EZH2: variants seen among roughly 807,000 people sequenced by gnomAD.
EZH2 encodes enhancer of zeste 2 polycomb repressive complex 2 subunit, also known as histone-lysine N-methyltransferase EZH2.
A neutral mutation model predicts 98.4 loss-of-function variants in EZH2; 18 were observed. That is an observed-to-expected ratio of 0.18 (90% confidence interval 0.13 to 0.27). The LOEUF (loss-of-function observed/expected upper bound fraction) is 0.27, where lower values mean the gene tolerates loss of function less well. Among genes scored for constraint, EZH2 ranks in the 10% least tolerant of loss-of-function variants. The pLI, the probability that EZH2 is intolerant of heterozygous loss-of-function variation, is 1.00. For missense variants in EZH2, 470 were observed against 935.1 expected, an observed-to-expected ratio of 0.50 and a Z score of 6.49; for synonymous variants, 338 against 312.3, an observed-to-expected ratio of 1.08 and a Z score of -0.87.
intron 1 of EZH2, among the ~76,000 whole-genome samples, chr7:148,879,518 C>G (rs1820657901): frequency 6.6e-6 from 1 of 151,900 alleles, no homozygotes; most frequent in Non-Finnish European, 1.5e-5. Context: ...TGGTGAAATC[C>G]CATCACTACT....
intron 3 of EZH2, among the ~76,000 whole-genome samples, chr7:148,836,302 A>G (rs571409723): frequency 2.6e-5 from 4 of 152,338 alleles, no homozygotes; most frequent in African/African-American, 9.6e-5. Context: ...CTGTATTTCT[A>G]GTATCTAGAA....
chr7:148,869,764 C>G (rs1017097610), intron 1 of EZH2, among the ~76,000 whole-genome samples: 1 of 152,204 alleles, frequency 6.6e-6, no homozygotes, highest in Non-Finnish European at 1.5e-5. Context: ...TCAGTAAACA[C>G]AAGTTGTTCC....
chr7:148,830,610 T>C (rs906030925), intron 4 of EZH2, among the ~76,000 whole-genome samples: 3 of 152,196 alleles, frequency 2.0e-5, no homozygotes, highest in Non-Finnish European at 4.4e-5. Context: ...AATAAGAACA[T>C]TCTACAAAAA....
chr7:148,883,295 G>C (rs543691250), intron 1 of EZH2: 1 of 152,322 alleles, frequency 6.6e-6, no homozygotes, highest in Non-Finnish European at 1.5e-5. Flanking sequence ...AACGGAAGGG[G>C]ATGTACACAA....
chr7:148,867,660 G>C (rs548404524), intron 1 of EZH2, among the ~76,000 whole-genome samples: 1 of 152,300 alleles, frequency 6.6e-6, no homozygotes, highest in South Asian at 2.1e-4. Flanking sequence ...CAGCCAGCTT[G>C]AATTTCTCCC....
intron 1 of EZH2, among the ~76,000 whole-genome samples, chr7:148,852,820 A>C (rs911627757): frequency 1.3e-5 from 2 of 152,168 alleles, no homozygotes; most frequent in Non-Finnish European, 2.9e-5. Context: ...CTTAATACAG[A>C]GGGTATCTCA....
At chr7:148,863,201 A>G (rs1040171032) in intron 1 of EZH2, among the ~76,000 whole-genome samples, 2 of 152,180 alleles carry the variant, frequency 1.3e-5, no homozygotes, top group African/African-American at 2.4e-5. Flanking sequence ...ATCCGAAGTC[A>G]TAATACCCTG....
intron 3 of EZH2, among the ~76,000 whole-genome samples, chr7:148,835,699 G>C (rs1810723714): frequency 6.6e-6 from 1 of 152,004 alleles, no homozygotes; most frequent in Admixed American, 6.6e-5. Context: ...AATTAATTCT[G>C]TGGCTTCTGA....
intron 3 of EZH2, among the ~76,000 whole-genome samples, chr7:148,841,611 T>C (rs541075759): frequency 6.6e-6 from 1 of 152,308 alleles, no homozygotes; most frequent in African/African-American, 2.4e-5. Context: ...GGGCCTATAA[T>C]CCTGCAATGT....
At chr7:148,878,003 G>C (rs750571308) in intron 1 of EZH2, among the ~76,000 whole-genome samples, 3 of 152,074 alleles carry the variant, frequency 2.0e-5, no homozygotes, top group Non-Finnish European at 4.4e-5. Context: ...CTCCCCTGTA[G>C]ACAGTTTTCT....
At chr7:148,845,705 C>T (rs1166112288) in intron 3 of EZH2, among the ~76,000 whole-genome samples, 1 of 152,202 alleles carries the variant, frequency 6.6e-6, no homozygotes, top group African/African-American at 2.4e-5. Flanking sequence ...TTTAGACATT[C>T]AGATAAACAA....
chr7:148,874,164 T>C (rs1479346136), intron 1 of EZH2, among the ~76,000 whole-genome samples: 2 of 152,192 alleles, frequency 1.3e-5, no homozygotes, highest in African/African-American at 2.4e-5. Flanking sequence ...GATGGGAACA[T>C]CGCTTGAGCT....
At chr7:148,841,527 A>G (rs933661170) in intron 3 of EZH2, among the ~76,000 whole-genome samples, 1 of 152,210 alleles carries the variant, frequency 6.6e-6, no homozygotes, top group Non-Finnish European at 1.5e-5. Context: ...CATCCACTTA[A>G]TTTAAAGACA....
At chr7:148,865,295 A>G (rs2129489438) in intron 1 of EZH2, among the ~76,000 whole-genome samples, 2 of 152,316 alleles carry the variant, frequency 1.3e-5, no homozygotes, top group East Asian at 3.9e-4. Flanking sequence ...TAAGAAGTCT[A>G]TTTTAAATCT....
At chr7:148,811,158 C>CT (rs1802959511) in intron 16 of EZH2, among the ~76,000 whole-genome samples, 1 of 152,144 alleles carries the variant, frequency 6.6e-6, no homozygotes, top group African/African-American at 2.4e-5. Flanking sequence ...TTTTTCCCCT[C>CT]TGAGACAGGG....
chr7:148,883,826 C>T (rs1821393547), intron 1 of EZH2, among the ~76,000 whole-genome samples: 1 of 151,896 alleles, frequency 6.6e-6, no homozygotes, highest in Non-Finnish European at 1.5e-5. Context: ...CTGGACCGGG[C>T]ACCGGAACGC....
At chr7:148,883,749 C>G (rs1219992069) in intron 1 of EZH2, among the ~76,000 whole-genome samples, 6 of 151,840 alleles carry the variant, frequency 4.0e-5, no homozygotes, top group Admixed American at 6.6e-5. Flanking sequence ...GTGTCTGTCC[C>G]GTCCCACCCG....
chr7:148,834,337 T>TTATATATATATATA (rs746918834), intron 3 of EZH2, among the ~76,000 whole-genome samples: 48 of 142,768 alleles, frequency 3.4e-4, no homozygotes, highest in African/African-American at 1.2e-3. Flanking sequence ...TGAAAAATCA[T>TTATATATATATATA]TATATATATA....
chr7:148,828,508 T>C (rs1263399626), intron 6 of EZH2, among the ~76,000 whole-genome samples: 1 of 152,130 alleles, frequency 6.6e-6, no homozygotes, highest in Non-Finnish European at 1.5e-5. Context: ...CAGGTTGGTC[T>C]TGAACTCCTG....
Sources: gnomAD v4.1 joint callset for allele counts (sites outside exome capture counted in the v4.1 genomes callset) on GRCh38, gnomAD v4.1.1 for gene constraint, MANE v1.5 for transcripts, NCBI Gene and HGNC (gene_info 2026-07-23, HGNC 2026-07-21) for gene names.